The following MED12L variants were observed in gnomAD, a reference collection of about 807,000 sequenced individuals.
MED12L encodes mediator of RNA polymerase II transcription subunit 12-like protein.
Under a neutral mutation model 281.3 loss-of-function variants are expected in MED12L, and 60 were observed. That is an observed-to-expected ratio of 0.21 (90% CI 0.17 to 0.26). The LOEUF (loss-of-function observed/expected upper bound fraction) is 0.26. MED12L is among the 10% of genes least tolerant of loss of function. The pLI, the probability that MED12L is intolerant of heterozygous loss-of-function variation, is 1.00. For missense variants in MED12L, 2,146 were observed against 2,680.9 expected (o/e 0.80, Z 4.41); for synonymous variants, 974 against 987.2 (o/e 0.99, Z 0.25).
At chr3:151,280,504 C>T (rs560081500) in intron 16 of MED12L, among the ~76,000 whole-genome samples, 1 of 152,276 alleles carries the variant, frequency 6.6e-6, no homozygotes, top group African/African-American at 2.4e-5. Flanking sequence ...TGCACTGCTA[C>T]TGCCTTTATA....
At chr3:151,394,635 T>C in intron 38 of MED12L, 21 bp from the exon 39 acceptor site, 1 of 1,612,592 alleles carries the variant, frequency 6.2e-7, no homozygotes, top group Non-Finnish European at 8.5e-7. Flanking sequence ...AGAAAGTGTT[T>C]CCTTTTGGTT....
At chr3:151,283,574 T>C (rs1419736394) in intron 16 of MED12L, among the ~76,000 whole-genome samples, 2 of 152,268 alleles carry the variant, frequency 1.3e-5, no homozygotes, top group Non-Finnish European at 2.9e-5. Context: ...ACCTCAGTGT[T>C]GTCATTATTC....
Position 151,086,854 on chromosome 3 carries a change from C to A in MED12L, c.-73C>A. On this transcript the variant is annotated 5_prime_UTR_variant, in exon 2 of 45. It adds an upstream start codon to the 5' untranslated region. Transcript: ENST00000687756. ...AGAGAGGGAGTCTGTCTGCAAAGTG[C>A]TGCTCCCTGGTGCTCAGAGGCGGCT... is the stretch of plus-strand genomic sequence containing the variant. The A allele has an allele frequency of 1.6e-6, 2 of 1,226,260 alleles. No individual in the cohort carries two copies. The highest frequency in any genetic ancestry group is 1.1e-6 in the Non-Finnish European group (1 of 875,126). 76.0% of individuals were successfully genotyped at this position (1,226,260 alleles called of 1,614,324 possible). A position where few individuals can be genotyped will look rare whatever the true frequency, so the allele number is the denominator to read the frequency against.
At chr3:151,241,071 G>A (rs1733977790) in intron 16 of MED12L, among the ~76,000 whole-genome samples, 4 of 152,164 alleles carry the variant, frequency 2.6e-5, no homozygotes, top group African/African-American at 2.4e-5. Context: ...CTATACTCAT[G>A]GGAGTTTAGT....
chr3:151,357,332 T>C lies in MED12L; in HGVS notation c.2781T>C (p.Ser927=). Residue 927 remains serine, a synonymous_variant, in exon 20 of 45, where the codon AGT becomes AGC. Coordinates refer to ENST00000687756, the MANE Select transcript of MED12L (RefSeq NM_001393769.1). The part of the protein sequence containing the change: ...CIVAVLRRYH[S]CLILNPDQTA... ...TGGCTGTTCTCAGGCGCTATCACAG[T>C]TGTCTAATCTTGAATCCTGATCAGA... 6.2e-7 allele frequency: 1 copy of C among 1,613,728 alleles called. No individual in the cohort carries two copies. Among genetic ancestry groups the C allele is most frequent in the Non-Finnish European group, 8.5e-7 (1 of 1,179,780 alleles).
chr3:151,182,677 A>G (rs1229673302), intron 11 of MED12L, among the ~76,000 whole-genome samples: 1 of 152,098 alleles, frequency 6.6e-6, no homozygotes, highest in Non-Finnish European at 1.5e-5. Context: ...GGCTGGGGAG[A>G]GAGAAGGACT....
intron 39 of MED12L, among the ~76,000 whole-genome samples, chr3:151,405,121 G>A (rs1176725677): frequency 6.6e-6 from 1 of 152,176 alleles, no homozygotes; most frequent in Non-Finnish European, 1.5e-5. Flanking sequence ...ATAAAGGTTA[G>A]GAAGATAGGT....
intron 21 of MED12L, among the ~76,000 whole-genome samples, chr3:151,363,153 G>C (rs892207864): frequency 1.5e-4 from 23 of 152,088 alleles, no homozygotes; most frequent in African/African-American, 5.3e-4. Flanking sequence ...TAATTACTCA[G>C]GGGTCAGCAG....
At chr3:151,306,590 C>G (rs931005688) in intron 16 of MED12L, among the ~76,000 whole-genome samples, 1 of 152,244 alleles carries the variant, frequency 6.6e-6, no homozygotes, top group African/African-American at 2.4e-5. Flanking sequence ...GGACACCCAG[C>G]CTTGTGGTCC....
intron 16 of MED12L, among the ~76,000 whole-genome samples, chr3:151,226,546 G>A (rs990202840): frequency 1.3e-5 from 2 of 152,122 alleles, no homozygotes; most frequent in African/African-American, 4.8e-5. Context: ...TGTTTTATAT[G>A]AATGTGATCC....
At chr3:151,174,168 A>G (rs1053662871) in intron 11 of MED12L, among the ~76,000 whole-genome samples, 1 of 152,148 alleles carries the variant, frequency 6.6e-6, no homozygotes, top group Non-Finnish European at 1.5e-5. Context: ...TCTTCAGAAC[A>G]TTTTGGATTT....
intron 16 of MED12L, among the ~76,000 whole-genome samples, chr3:151,342,986 C>T (rs1015066157): frequency 6.6e-6 from 1 of 152,054 alleles, no homozygotes; most frequent in Non-Finnish European, 1.5e-5. Flanking sequence ...GATGGAGACC[C>T]CATTCTGACC....
chr3:151,352,951 CTA>C (rs1182773042), intron 17 of MED12L, among the ~76,000 whole-genome samples: 1 of 152,138 alleles, frequency 6.6e-6, no homozygotes, highest in African/African-American at 2.4e-5. Context: ...TATATATTGA[CTA>C]TAATGTTACT....
chr3:151,269,366 C>T (rs1020477117), intron 16 of MED12L: 1 of 166,332 alleles, frequency 6.0e-6, no homozygotes, highest in South Asian at 1.5e-4. Flanking sequence ...TGCCATTGCA[C>T]TCCAGCCTGG....
chr3:151,308,161 A>G (rs1385080002), intron 16 of MED12L, among the ~76,000 whole-genome samples: 1 of 152,192 alleles, frequency 6.6e-6, no homozygotes, highest in African/African-American at 2.4e-5. Context: ...CTTAAAAAGC[A>G]TATTTAAGAA....
At chr3:151,224,973 C>T (rs1266066444) in intron 16 of MED12L, among the ~76,000 whole-genome samples, 3 of 152,166 alleles carry the variant, frequency 2.0e-5, no homozygotes, top group South Asian at 2.1e-4. Flanking sequence ...AAATAACTTA[C>T]AGCGTTTTAC....
At chr3:151,390,535 A>G (rs1714070509) in intron 38 of MED12L, among the ~76,000 whole-genome samples, 1 of 152,224 alleles carries the variant, frequency 6.6e-6, no homozygotes, top group Non-Finnish European at 1.5e-5. Context: ...AAATTGGTTC[A>G]GCAAGATTTA....
intron 16 of MED12L, among the ~76,000 whole-genome samples, chr3:151,323,547 G>T (rs1305697072): frequency 6.6e-6 from 1 of 152,158 alleles, no homozygotes; most frequent in Non-Finnish European, 1.5e-5. Context: ...AGCCTGCCTT[G>T]AAACTGCTTA....
chr3:151,185,196 C>T (rs1368079807), intron 11 of MED12L, 134 bp from the exon 12 acceptor site: 7 of 740,788 alleles, frequency 9.4e-6, no homozygotes, highest in East Asian at 5.6e-5. Context: ...GTTTTGGAAG[C>T]GCTTTCTAAA....
Sources: gnomAD v4.1 joint callset for allele counts (sites outside exome capture counted in the v4.1 genomes callset) on GRCh38, gnomAD v4.1.1 for gene constraint, MANE v1.5 for transcripts, NCBI Gene and HGNC (gene_info 2026-07-23, HGNC 2026-07-21) for gene names.